UGP2: variants seen among roughly 807,000 people sequenced by gnomAD.
UGP2 encodes UDP-glucose pyrophosphorylase 2.
A neutral mutation model predicts 49.0 loss-of-function variants in UGP2; 40 were observed. The ratio of observed to expected loss-of-function variants is 0.82; its 90% confidence interval spans 0.63 to 1.06. UGP2 has a LOEUF of 1.06. UGP2 is among the 50% of genes least tolerant of loss of function. UGP2 has a pLI of 0.00. For synonymous variants in UGP2, 225 were observed against 213.0 expected (o/e 1.06, Z -0.49); for missense variants, 460 against 603.5 (o/e 0.76, Z 2.49).
In UGP2 at chr2:63,882,668, C is replaced by T. The variant is rs1302016245; in HGVS notation, c.441+17C>T. The T allele has an allele frequency of 1.3e-6, 2 of 1,502,984 alleles. No individual in the cohort carries two copies. The allele number at this position is 1,502,984 out of a possible 1,614,324, so 93.1% of individuals were successfully genotyped here. On this transcript the variant is annotated intron_variant, in intron 4 of 9. Coordinates refer to ENST00000337130, the MANE Select transcript of UGP2 (RefSeq NM_006759.4). ...CAAATTGAAGTGAGTAACATTTAGC[C>T]TTTCTCATGAGATACTAAAATAGTT...
chr2:63,857,354 G>T (rs1283276572), intron 2 of UGP2, among the ~76,000 whole-genome samples: 1 of 151,682 alleles, frequency 6.6e-6, no homozygotes, highest in African/African-American at 2.4e-5. Context: ...AACAAATGGT[G>T]TTTGTTTGTT....
chr2:63,869,023 C>G (rs546179970), intron 3 of UGP2, among the ~76,000 whole-genome samples: 2 of 151,726 alleles, frequency 1.3e-5, no homozygotes, highest in African/African-American at 4.8e-5. Flanking sequence ...ATTTGTTGGT[C>G]CAACAGCTGT....
At chr2:63,863,005 A>AT (rs762962099) in intron 3 of UGP2, 1 of 360,694 alleles carries the variant, frequency 2.8e-6, no homozygotes, top group Non-Finnish European at 5.5e-6. Flanking sequence ...CTTTCTAATC[A>AT]TACTAAAGTG....
chr2:63,872,992 C>T (rs1670661217), intron 3 of UGP2, among the ~76,000 whole-genome samples: 2 of 152,138 alleles, frequency 1.3e-5, no homozygotes, highest in African/African-American at 4.8e-5. Flanking sequence ...CCTTCTTCTG[C>T]ATCCGTGAGC....
chr2:63,858,546 A>G (rs1479220186), intron 3 of UGP2, among the ~76,000 whole-genome samples: 3 of 152,084 alleles, frequency 2.0e-5, no homozygotes, highest in Non-Finnish European at 4.4e-5. Flanking sequence ...GCTAAAAAAT[A>G]AAAATCTCAC....
chr2:63,887,687 T>C lies in UGP2; in HGVS notation c.1314+43T>C, dbSNP rs752767761. 2.5e-6 allele frequency: 4 copies of C among 1,603,280 alleles called. No individual in the cohort carries two copies. The South Asian group carries it at 4.5e-5, about 18-fold the overall frequency. On this transcript the variant is annotated intron_variant, in intron 8 of 9. Transcript: ENST00000337130. ...TATGTGAGTTCATATTTCTTAAATG[T>C]GTAATTATAAAGATATGATATACAT...
intron 8 of UGP2, chr2:63,888,065 A>G (rs927673850): frequency 6.1e-6 from 1 of 163,670 alleles, no homozygotes; most frequent in Non-Finnish European, 1.4e-5. Flanking sequence ...GGAAAGGATG[A>G]TAAGTAAGTA....
chr2:63,864,782 C>T (rs1225878508), intron 3 of UGP2, among the ~76,000 whole-genome samples: 1 of 152,164 alleles, frequency 6.6e-6, no homozygotes, highest in East Asian at 1.9e-4. Context: ...CCATTCCTTC[C>T]TTTAGAGCCT....
intron 3 of UGP2, among the ~76,000 whole-genome samples, chr2:63,861,864 G>A (rs894247044): frequency 1.3e-5 from 2 of 151,848 alleles, no homozygotes; most frequent in African/African-American, 2.4e-5. Flanking sequence ...TTTTTGTTTT[G>A]TTCCATAAAA....
At chr2:63,885,062 C>CCCG (rs1671584562) in intron 5 of UGP2, among the ~76,000 whole-genome samples, 1 of 53,328 alleles carries the variant, frequency 1.9e-5, no homozygotes, top group South Asian at 6.2e-4. Flanking sequence ...AGTCTTTAGT[C>CCCG]TGTTGCGGTG....
At chr2:63,857,967 A>G in intron 3 of UGP2, 31 bp downstream of exon 3, 1 of 1,604,856 alleles carries the variant, frequency 6.2e-7, no homozygotes, top group Non-Finnish European at 8.5e-7. Context: ...AGGAAAATGT[A>G]GGGTAATCTT....
chr2:63,890,006 TTTC>T (rs1193040292), intron 8 of UGP2, 72 bp from the exon 9 acceptor site: 12 of 1,190,930 alleles, frequency 1.0e-5, no homozygotes, highest in Middle Eastern at 2.0e-4. Flanking sequence ...TCAGTTAAAC[TTTC>T]TTGTTAATAT....
intron 5 of UGP2, among the ~76,000 whole-genome samples, chr2:63,884,791 C>T (rs1671545456): frequency 6.6e-6 from 1 of 151,932 alleles, no homozygotes; most frequent in Admixed American, 6.6e-5. Context: ...GCCCTTGTAG[C>T]CCAGCTACTT....
chr2:63,856,404 C>T lies in UGP2; in HGVS notation c.118C>T (p.Leu40Phe). The T allele has an allele frequency of 1.2e-6, 2 of 1,613,134 alleles. No homozygotes were observed. Among genetic ancestry groups the T allele is most frequent in the African/African-American group, 1.3e-5 (1 of 75,018 alleles). Reference protein sequence around the residue: ...LSVKKELEKILTTASSHEFEH... With the variant: ...LSVKKELEKIFTTASSHEFEH... ...TGTGAAGAAGGAACTAGAAAAAATA[C>T]TCACCACAGCATCATCACATGAATT... The change falls in exon 2 of 10, where the codon CTC becomes TTC. Residue 40 changes from leucine (L) to phenylalanine (F), a missense_variant. Around this residue, in one of 2 missense-constraint regions of UGP2, gnomAD observed 143 missense variants for 130.4 expected, o/e 1.10. Transcript: ENST00000337130.
chr2:63,842,883 T>G (rs942913875), intron 1 of UGP2, among the ~76,000 whole-genome samples: 1 of 152,246 alleles, frequency 6.6e-6, no homozygotes, highest in African/African-American at 2.4e-5. Flanking sequence ...CAACTGAGAT[T>G]ATCAGTAACG....
intron 4 of UGP2, 55 bp downstream of exon 4, chr2:63,882,706 GT>G: frequency 7.0e-7 from 1 of 1,429,052 alleles, no homozygotes; most frequent in Non-Finnish European, 9.3e-7. Flanking sequence ...TAGTTTTTAA[GT>G]TATCATAAAT....
intron 1 of UGP2, among the ~76,000 whole-genome samples, chr2:63,842,950 C>A (rs1671672815): frequency 6.6e-6 from 1 of 152,122 alleles, no homozygotes; most frequent in African/African-American, 2.4e-5. Flanking sequence ...TGGCATAAAC[C>A]TTTGACACCA....
At chr2:63,872,725 C>G (rs952124204) in intron 3 of UGP2, among the ~76,000 whole-genome samples, 1 of 151,086 alleles carries the variant, frequency 6.6e-6, no homozygotes, top group Non-Finnish European at 1.5e-5. Flanking sequence ...CATAATTTCC[C>G]TTTAGCATGT....
intron 3 of UGP2, among the ~76,000 whole-genome samples, chr2:63,861,132 A>T (rs1268549916): frequency 6.6e-6 from 1 of 152,024 alleles, no homozygotes; most frequent in Non-Finnish European, 1.5e-5. Context: ...TAATAAGATT[A>T]TCTTGATATT....
Sources: gnomAD v4.1 joint callset for allele counts (sites outside exome capture counted in the v4.1 genomes callset) on GRCh38, gnomAD v4.1.1 for gene constraint, gnomAD v4.1.1 regional missense constraint, MANE v1.5 for transcripts, NCBI Gene and HGNC (gene_info 2026-07-23, HGNC 2026-07-21) for gene names.